The following RAD51B variants were observed in gnomAD, a reference collection of about 807,000 sequenced individuals.
RAD51B encodes RAD51 paralog B.
RAD51B carries 38 observed loss-of-function variants against 42.2 expected under a neutral mutation model. The ratio of observed to expected loss-of-function variants is 0.90; its 90% CI spans 0.70 to 1.18. The LOEUF (loss-of-function observed/expected upper bound fraction) is 1.18, where lower values mean the gene tolerates loss of function less well. Among genes scored for constraint, RAD51B ranks in the 50% most tolerant of loss-of-function variants. The pLI, the probability that RAD51B is intolerant of heterozygous loss-of-function variation, is 0.00. For missense variants in RAD51B, 373 were observed against 400.7 expected, an observed-to-expected ratio of 0.93 and a Z score of 0.59; for synonymous variants, 154 against 145.2, an observed-to-expected ratio of 1.06 and a Z score of -0.43.
intron 7 of RAD51B, among the ~76,000 whole-genome samples, chr14:68,034,111 A>AT (rs1226401149): frequency 6.6e-6 from 1 of 152,012 alleles, no homozygotes; most frequent in Admixed American, 6.6e-5. Flanking sequence ...GATTTTGTTC[A>AT]TTTTTTTGGT....
intron 8 of RAD51B, among the ~76,000 whole-genome samples, chr14:68,292,342 C>A (rs945078973): frequency 5.3e-5 from 8 of 152,146 alleles, no homozygotes; most frequent in Non-Finnish European, 1.2e-4. Flanking sequence ...GTGCTGAGTT[C>A]TTTTGGACTA....
intron 9 of RAD51B, among the ~76,000 whole-genome samples, chr14:68,455,581 G>C (rs549555597): frequency 6.6e-6 from 1 of 152,070 alleles, no homozygotes; most frequent in Non-Finnish European, 1.5e-5. Context: ...TTAGCCAGAC[G>C]TGGTGGCGGG....
chr14:68,604,697 A>C (rs1891371700), intron 10 of RAD51B, among the ~76,000 whole-genome samples: 1 of 152,122 alleles, frequency 6.6e-6, no homozygotes, highest in Admixed American at 6.5e-5. Flanking sequence ...GGTTGGAGAA[A>C]TCTTAGTGCC....
intron 9 of RAD51B, among the ~76,000 whole-genome samples, chr14:68,466,568 C>G (rs2085992595): frequency 6.6e-6 from 1 of 152,246 alleles, no homozygotes; most frequent in Non-Finnish European, 1.5e-5. Context: ...CAGCTTCCCT[C>G]TCTCATGCTG....
intron 10 of RAD51B, among the ~76,000 whole-genome samples, chr14:68,487,974 G>A (rs927777022): frequency 6.6e-6 from 1 of 152,032 alleles, no homozygotes; most frequent in African/African-American, 2.4e-5. Flanking sequence ...TTATCTGATT[G>A]GGAAAAAAGT....
intron 9 of RAD51B, among the ~76,000 whole-genome samples, chr14:68,422,433 C>T (rs1314783283): frequency 6.6e-6 from 1 of 151,802 alleles, no homozygotes; most frequent in Non-Finnish European, 1.5e-5. Flanking sequence ...TGGTGGCAGA[C>T]ACCTGTAATC....
At chr14:68,561,918 T>G (rs958982591) in intron 10 of RAD51B, 1 of 971,906 alleles carries the variant, frequency 1.0e-6, no homozygotes, top group Non-Finnish European at 1.2e-6. Context: ...AGTGGGAGGA[T>G]GAAATGAGGT....
chr14:68,019,897 T>C (rs2075836727), intron 7 of RAD51B, among the ~76,000 whole-genome samples: 1 of 152,194 alleles, frequency 6.6e-6, no homozygotes, highest in Non-Finnish European at 1.5e-5. Context: ...CCCTTCCCTG[T>C]AAGGACATTT....
At chr14:68,284,729 C>CT (rs1017733174) in intron 7 of RAD51B, among the ~76,000 whole-genome samples, 2 of 151,674 alleles carry the variant, frequency 1.3e-5, no homozygotes, top group Non-Finnish European at 2.9e-5. Flanking sequence ...ATTTTCTGAG[C>CT]TGAAGCTAAG....
intron 7 of RAD51B, among the ~76,000 whole-genome samples, chr14:67,958,104 G>C (rs376859291): frequency 1.3e-5 from 2 of 152,208 alleles, no homozygotes; most frequent in Non-Finnish European, 2.9e-5. Flanking sequence ...TCTCTGGTCT[G>C]TGTTGGGAAT....
At chr14:68,402,186 C>T (rs1403100718) in intron 8 of RAD51B, among the ~76,000 whole-genome samples, 1 of 152,214 alleles carries the variant, frequency 6.6e-6, no homozygotes, top group Non-Finnish European at 1.5e-5. Context: ...TCTCACAGAG[C>T]TTGTAGGTCA....
At chr14:68,166,038 CA>C (rs1259306276) in intron 7 of RAD51B, among the ~76,000 whole-genome samples, 80 of 152,026 alleles carry the variant, frequency 5.3e-4, no homozygotes, top group African/African-American at 1.9e-3. Context: ...GGTAACCTAC[CA>C]ATGATTGTTA....
At chr14:67,900,677 TCTAAA>T (rs1057290160) in intron 7 of RAD51B, among the ~76,000 whole-genome samples, 9 of 150,702 alleles carry the variant, frequency 6.0e-5, no homozygotes, top group African/African-American at 1.5e-4. Flanking sequence ...GAGTTACAGT[TCTAAA>T]CTAAACTGGA....
intron 10 of RAD51B, among the ~76,000 whole-genome samples, chr14:68,511,671 G>A (rs1885737457): frequency 6.6e-6 from 1 of 152,206 alleles, no homozygotes; most frequent in South Asian, 2.1e-4. Flanking sequence ...CAATAAAGAA[G>A]CTATTAAGGC....
At chr14:68,432,736 A>G (rs1383251444) in intron 9 of RAD51B, among the ~76,000 whole-genome samples, 1 of 152,198 alleles carries the variant, frequency 6.6e-6, no homozygotes, top group Non-Finnish European at 1.5e-5. Context: ...TAATTGGAGC[A>G]TTTAGCCCAT....
At chr14:68,581,366 C>T (rs558323442) in intron 10 of RAD51B, among the ~76,000 whole-genome samples, 3 of 152,136 alleles carry the variant, frequency 2.0e-5, no homozygotes, top group African/African-American at 4.8e-5. Context: ...GCTGTGGAAG[C>T]GTTCTGAGTA....
At chr14:68,619,257 G>A (rs558546427) in intron 10 of RAD51B, among the ~76,000 whole-genome samples, 10 of 152,204 alleles carry the variant, frequency 6.6e-5, no homozygotes, top group South Asian at 2.1e-4. Context: ...GGTGGATCAC[G>A]AGGTCCAGAG....
intron 1 of RAD51B, among the ~76,000 whole-genome samples, chr14:67,820,967 G>A (rs1323246743): frequency 3.3e-5 from 5 of 152,134 alleles, no homozygotes; most frequent in African/African-American, 7.2e-5. Flanking sequence ...AAGGAAGTGA[G>A]GGACCAATTT....
chr14:68,452,100 G>A (rs1418620672), intron 9 of RAD51B, among the ~76,000 whole-genome samples: 3 of 152,186 alleles, frequency 2.0e-5, no homozygotes, highest in Non-Finnish European at 4.4e-5. Context: ...TGGGTCTTGT[G>A]GATGGCGCTG....
Sources: allele counts gnomAD v4.1 joint callset (sites outside exome capture counted in the v4.1 genomes callset), GRCh38; gene constraint gnomAD v4.1.1; transcripts MANE v1.5; gene names NCBI Gene and HGNC (gene_info 2026-07-23, HGNC 2026-07-21).